Variants in GARRE1 observed in about 807,000 individuals in gnomAD.
The protein encoded by GARRE1 is granule associated Rac and RHOG effector 1.
In GARRE1, 49 loss-of-function variants were observed where a neutral mutation model predicts 103.2. That is an observed-to-expected ratio of 0.47 (90% CI 0.38 to 0.60). GARRE1 has a LOEUF of 0.60. Among genes scored for constraint, GARRE1 ranks in the 20% least tolerant of loss-of-function variants. GARRE1 has a pLI of 0.00. For missense variants in GARRE1, 1,199 were observed against 1,370.5 expected, an observed-to-expected ratio of 0.87 and a Z score of 1.98; for synonymous variants, 505 against 532.8, an observed-to-expected ratio of 0.95 and a Z score of 0.72.
intron 1 of GARRE1, among the ~76,000 whole-genome samples, chr19:34,263,265 GAGATAGATAGAT>G (rs147778168): frequency 7.0e-4 from 105 of 149,612 alleles, no homozygotes; most frequent in Middle Eastern, 6.9e-3. Context: ...TCTCGATAGA[GAGATAGATAGAT>G]AGATAGATAG....
chr19:34,297,964 C>G (rs1458980812), intron 1 of GARRE1, among the ~76,000 whole-genome samples: 2 of 152,104 alleles, frequency 1.3e-5, no homozygotes, highest in African/African-American at 4.8e-5. Context: ...CTACCTAATT[C>G]CTGTGTTGCC....
Position 34,300,892 on chromosome 19 carries a change from C to A in GARRE1, c.419C>A (p.Ala140Asp). The change falls in exon 2 of 14, where the codon GCC (alanine) becomes GAC (aspartate). Residue 140 changes from alanine (A) to aspartate (D), a missense_variant. Ala to Asp is a moderately radical substitution (Grantham distance 126). Transcript: ENST00000299505. ...RLTSAIKPEI[A>D]KMLMELSAGA... ...ACCTCGGCCATAAAGCCTGAGATCG[C>A]CAAGATGCTAATGGAACTTAGTGCT... The A allele has an allele frequency of 6.2e-7, 1 of 1,611,072 alleles. No homozygotes were observed. Among genetic ancestry groups the A allele is most frequent in the Non-Finnish European group, 8.5e-7 (1 of 1,180,016 alleles).
At chr19:34,330,473 T>C in intron 7 of GARRE1, 126 bp downstream of exon 7, 1 of 941,000 alleles carries the variant, frequency 1.1e-6, no homozygotes, top group South Asian at 1.8e-5. Context: ...CTGTGGAATT[T>C]AGACCAGGCA....
rs1329704552 is a variant in GARRE1, at chr19:34,341,665, G to A, written c.1731G>A (p.Lys577=). The A allele has an allele frequency of 5.0e-6, 8 of 1,614,190 alleles. No homozygotes were observed. Among genetic ancestry groups the A allele is most frequent in the Non-Finnish European group, 6.8e-6 (8 of 1,180,034 alleles). Residue 577 remains lysine, a synonymous_variant, in exon 10 of 14, where the codon AAG becomes AAA. Transcript: ENST00000299505. ...NIFIAGCSEE[K]AKMPGNIDTR... ...TCATAGCTGGATGTTCCGAAGAGAAGGCCAAAATGCCTGGCAATATTGATA... is the reference window on the plus strand; with the variant it reads ...TCATAGCTGGATGTTCCGAAGAGAAAGCCAAAATGCCTGGCAATATTGATA...
rs2074265671 is a variant in GARRE1, at chr19:34,355,238, C to G, written c.*2283C>G. ...TTTTCTCTATTAAGGAAGACATTTTCTAATTGCATCTCCATGGGCTGTGAG... is the reference window on the plus strand; with the variant it reads ...TTTTCTCTATTAAGGAAGACATTTTGTAATTGCATCTCCATGGGCTGTGAG... On this transcript the variant is annotated 3_prime_UTR_variant, in exon 14 of 14. Coordinates refer to ENST00000299505, the MANE Select transcript of GARRE1 (RefSeq NM_014686.5). The G allele has an allele frequency of 6.5e-6, 1 of 152,680 alleles. No homozygotes were observed. The highest frequency in any genetic ancestry group is 1.5e-5 in the Non-Finnish European group (1 of 68,056). 9.5% of individuals were successfully genotyped at this position (152,680 alleles called of 1,614,324 possible). A position where few individuals can be genotyped will look rare whatever the true frequency, so the allele number is the denominator to read the frequency against.
chr19:34,307,815 T>TA (rs376893482), intron 2 of GARRE1, among the ~76,000 whole-genome samples: 6,554 of 96,594 alleles, frequency 0.068, 375 homozygotes, highest in Admixed American at 0.12. Flanking sequence ...TATATATATA[T>TA]TTTTTTTTTT....
intron 1 of GARRE1, among the ~76,000 whole-genome samples, chr19:34,261,803 T>C (rs2073720231): frequency 6.6e-6 from 1 of 152,106 alleles, no homozygotes; most frequent in African/African-American, 2.4e-5. Context: ...CTAATAACAA[T>C]GTCTAACTGG....
chr19:34,296,361 T>C, intron 1 of GARRE1: 1 of 1,288,904 alleles, frequency 7.8e-7, no homozygotes, highest in Non-Finnish European at 1.1e-6. Flanking sequence ...GGCGCTGATT[T>C]GATCCTTGGC....
intron 3 of GARRE1, among the ~76,000 whole-genome samples, chr19:34,321,093 G>C (rs1337727865): frequency 1.9e-5 from 2 of 107,682 alleles, no homozygotes; most frequent in Non-Finnish European, 3.4e-5. Flanking sequence ...GTCTCGCTCT[G>C]TCCCCCAAGC....
intron 13 of GARRE1, among the ~76,000 whole-genome samples, chr19:34,352,141 T>G (rs2074240723): frequency 6.6e-6 from 1 of 152,018 alleles, no homozygotes; most frequent in African/African-American, 2.4e-5. Context: ...TGGCGACGCC[T>G]GTAATCCCAG....
chr19:34,326,425 T>A (rs1568307144), intron 3 of GARRE1, among the ~76,000 whole-genome samples: 1 of 152,230 alleles, frequency 6.6e-6, no homozygotes, highest in Non-Finnish European at 1.5e-5. Flanking sequence ...AAATATATAT[T>A]TTTCTGTATT....
chr19:34,320,111 G>T lies in GARRE1; in HGVS notation c.700G>T (p.Ala234Ser), dbSNP rs1459600438. 2 of 1,613,542 alleles carry T rather than the reference G, an allele frequency of 1.2e-6. No individual in the cohort carries two copies. Among genetic ancestry groups the T allele is most frequent in the Non-Finnish European group, 1.7e-6 (2 of 1,179,916 alleles). Residue 234 changes from alanine to serine, a missense_variant, in exon 3 of 14, where the codon GCT (alanine) becomes TCT (serine). Coordinates refer to ENST00000299505, the MANE Select transcript of GARRE1 (RefSeq NM_014686.5). ...EEAVRSWRGA[A>S]EATSRLRERG... ...AGCTGTGCGGTCCTGGCGGGGGGCT[G>T]CTGAGGTAACCCTGGCTTTGGGGAG...
intron 1 of GARRE1, among the ~76,000 whole-genome samples, chr19:34,262,350 C>T (rs2073724233): frequency 7.6e-6 from 1 of 131,944 alleles, no homozygotes; most frequent in Non-Finnish European, 1.5e-5. Context: ...GGCTGGAATG[C>T]AGTAGTGCGA....
chr19:34,319,787 T>C lies in GARRE1; in HGVS notation c.496-120T>C, dbSNP rs989708698. On this transcript the variant is annotated intron_variant, in intron 2 of 13. Transcript: ENST00000299505. Reference sequence around the variant, plus strand: ...CTGAAGCATGGTGGCCTTTTAACTTTGTATGATTTTGGATTTCCAGTTAAC... The same window carrying C: ...CTGAAGCATGGTGGCCTTTTAACTTCGTATGATTTTGGATTTCCAGTTAAC... 3.5e-6 allele frequency: 3 copies of C among 850,368 alleles called. No individual in the cohort carries two copies. In the Admixed American group the frequency reaches 6.0e-5, roughly 17 times the overall value. 52.7% of individuals were successfully genotyped at this position (850,368 alleles called of 1,614,324 possible).
chr19:34,293,524 T>C (rs756570331), intron 1 of GARRE1, among the ~76,000 whole-genome samples: 3 of 151,240 alleles, frequency 2.0e-5, no homozygotes, highest in African/African-American at 7.3e-5. Flanking sequence ...GCCTCCCGAG[T>C]AGCTGGGACC....
chr19:34,320,548 G>A (rs187596864), intron 3 of GARRE1, among the ~76,000 whole-genome samples: 62 of 152,158 alleles, frequency 4.1e-4, no homozygotes, highest in Non-Finnish European at 7.4e-4. Context: ...AGCGAGGCAG[G>A]CGAGCAGGAG....
At chr19:34,298,182 GA>G (rs1454635941) in intron 1 of GARRE1, among the ~76,000 whole-genome samples, 2 of 152,198 alleles carry the variant, frequency 1.3e-5, no homozygotes, top group Non-Finnish European at 2.9e-5. Flanking sequence ...ATTTTGGGCT[GA>G]GGCGGGAGGA....
chr19:34,272,653 C>T (rs987834238), intron 1 of GARRE1, among the ~76,000 whole-genome samples: 4 of 152,180 alleles, frequency 2.6e-5, no homozygotes, highest in Non-Finnish European at 5.9e-5. Flanking sequence ...TGCTCCAGCT[C>T]AGCTTCTCAT....
At chr19:34,329,057 G>A (rs1398387369) in intron 6 of GARRE1, among the ~76,000 whole-genome samples, 1 of 152,164 alleles carries the variant, frequency 6.6e-6, no homozygotes, top group Non-Finnish European at 1.5e-5. Flanking sequence ...CAGTGATAAC[G>A]ATTATTTGTG....
Sources: gnomAD v4.1 joint callset for allele counts (sites outside exome capture counted in the v4.1 genomes callset) on GRCh38, gnomAD v4.1.1 for gene constraint, MANE v1.5 for transcripts, NCBI Gene and HGNC (gene_info 2026-07-23, HGNC 2026-07-21) for gene names.